Variants in FARP2 observed in about 807,000 individuals in gnomAD.
FARP2 encodes FERM, ARHGEF and pleckstrin domain-containing protein 2.
In FARP2, 111 loss-of-function variants were observed where a neutral mutation model predicts 130.5. The ratio of observed to expected loss-of-function variants is 0.85; its 90% CI spans 0.73 to 1.00. The LOEUF (loss-of-function observed/expected upper bound fraction) is 1.00, where lower values mean the gene tolerates loss of function less well. Among genes scored for constraint, FARP2 ranks in the 50% least tolerant of loss-of-function variants. The pLI, the probability that FARP2 is intolerant of heterozygous loss-of-function variation, is 0.00. For synonymous variants in FARP2, 504 were observed against 516.9 expected, an observed-to-expected ratio of 0.98 and a Z score of 0.34; for missense variants, 1,385 against 1,346.3, an observed-to-expected ratio of 1.03 and a Z score of -0.45.
rs145368402 is a variant in FARP2 at position 241,472,779 on chromosome 2, G to C, written c.2132-3078G>C. Reference sequence around the variant, plus strand: ...GGGACCCTTTTATGTGGGAGATGCTGTTCTGAAGGGACTCAGTTCTGAGGG... The same window carrying C: ...GGGACCCTTTTATGTGGGAGATGCTCTTCTGAAGGGACTCAGTTCTGAGGG... On this transcript the variant is annotated intron_variant, in intron 18 of 26. Transcript: ENST00000264042. Among the ~76,000 whole-genome samples the C allele has an allele frequency of 7.4e-3, 1,100 of 148,722 alleles. 13 individuals are homozygous for C. The highest frequency in any genetic ancestry group is 0.01 in the Non-Finnish European group (699 of 66,974).
intron 13 of FARP2, among the ~76,000 whole-genome samples, chr2:241,453,503 T>A (rs2063738013): frequency 1.3e-5 from 2 of 151,094 alleles, no homozygotes; most frequent in African/African-American, 2.4e-5. Flanking sequence ...GAGCCTGTAG[T>A]CCCAGCTACT....
intron 2 of FARP2, among the ~76,000 whole-genome samples, chr2:241,402,712 G>A (rs983104019): frequency 3.1e-4 from 47 of 149,484 alleles, no homozygotes; most frequent in African/African-American, 1.1e-3. Context: ...TGTCACCCAA[G>A]GTGGAATGCA....
At chr2:241,396,820 C>G (rs1487913753) in intron 2 of FARP2, among the ~76,000 whole-genome samples, 1 of 152,092 alleles carries the variant, frequency 6.6e-6, no homozygotes, top group Non-Finnish European at 1.5e-5. Context: ...TTGACCCAGC[C>G]ATCCCATTAC....
rs141303726 is a variant in FARP2, at chr2:241,426,213, G to A, written c.772-5466G>A. On this transcript the variant is annotated intron_variant, in intron 8 of 26. Coordinates refer to ENST00000264042, the MANE Select transcript of FARP2 (RefSeq NM_014808.4). ...CAGAGGGCAGGGCCCCGGGAGAGAG[G>A]GTAGACCAGGGACTCATTTCTTTTG... is the stretch of plus-strand genomic sequence containing the variant. Among the ~76,000 whole-genome samples, 240 of 152,186 alleles carry A rather than the reference G, an allele frequency of 1.6e-3. 3 individuals carry two copies. The highest frequency in any genetic ancestry group is 5.6e-3 in the African/African-American group (231 of 41,520).
intron 1 of FARP2, among the ~76,000 whole-genome samples, chr2:241,362,079 T>G (rs1319333270): frequency 2.0e-5 from 3 of 151,904 alleles, no homozygotes; most frequent in African/African-American, 7.2e-5. Flanking sequence ...GTATTTTTAG[T>G]AGAGACAGGG....
At chr2:241,356,539 A>G (rs1040709438) in intron 1 of FARP2, among the ~76,000 whole-genome samples, 151 bp downstream of exon 1, 1 of 152,122 alleles carries the variant, frequency 6.6e-6, no homozygotes. Flanking sequence ...TCTGAAGGCC[A>G]TCGTGAGGCG....
At chr2:241,425,263 C>G (rs2062904076) in intron 8 of FARP2, among the ~76,000 whole-genome samples, 1 of 152,072 alleles carries the variant, frequency 6.6e-6, no homozygotes, top group South Asian at 2.1e-4. Flanking sequence ...ATTCAGGACA[C>G]AGGCACAGGA....
At chr2:241,488,292 G>A (rs528538310) in intron 21 of FARP2, 1 of 152,134 alleles carries the variant, frequency 6.6e-6, no homozygotes, top group Admixed American at 6.5e-5. Flanking sequence ...TTTCCTTGAG[G>A]GTTTCTATCC....
chr2:241,366,127 A>ATATATATACGTATATATATATACG (rs373040817), intron 1 of FARP2, among the ~76,000 whole-genome samples: 2 of 136,482 alleles, frequency 1.5e-5, no homozygotes, highest in African/African-American at 5.6e-5. Flanking sequence ...ATATACGTAT[A>ATATATATACGTATATATATATACG]TATATATATA....
At chr2:241,408,441 G>A (rs149021242) in intron 5 of FARP2, among the ~76,000 whole-genome samples, 99 of 152,010 alleles carry the variant, frequency 6.5e-4, no homozygotes, top group African/African-American at 2.3e-3. Flanking sequence ...TAATTGGGAG[G>A]CTGAGGCAGG....
chr2:241,365,559 T>G (rs1308445583), intron 1 of FARP2, among the ~76,000 whole-genome samples: 1 of 152,210 alleles, frequency 6.6e-6, no homozygotes, highest in Non-Finnish European at 1.5e-5. Context: ...AGATAACATG[T>G]CTTAGTAGTT....
intron 2 of FARP2, 110 bp downstream of exon 2, chr2:241,373,400 T>A: frequency 3.1e-6 from 2 of 636,674 alleles, no homozygotes; most frequent in Non-Finnish European, 4.7e-6. Context: ...TGATCAAGAG[T>A]AGCTTTGGTA....
At chr2:241,423,509 A>T (rs1054286688) in intron 8 of FARP2, among the ~76,000 whole-genome samples, 3 of 152,364 alleles carry the variant, frequency 2.0e-5, no homozygotes, top group South Asian at 4.1e-4. Flanking sequence ...GCAAAAACAC[A>T]CTGAAATACA....
At chr2:241,412,074 G>GA (rs963311256) in intron 6 of FARP2, among the ~76,000 whole-genome samples, 3 of 152,180 alleles carry the variant, frequency 2.0e-5, no homozygotes, top group African/African-American at 7.2e-5. Flanking sequence ...CCACATCTGG[G>GA]ATGGAGCCTC....
intron 2 of FARP2, among the ~76,000 whole-genome samples, chr2:241,401,269 A>G (rs1190708116): frequency 6.6e-6 from 1 of 152,192 alleles, no homozygotes; most frequent in African/African-American, 2.4e-5. Flanking sequence ...CAGTTTGCAC[A>G]TATTGTTTAT....
intron 1 of FARP2, among the ~76,000 whole-genome samples, chr2:241,360,006 G>A (rs2061150301): frequency 6.6e-6 from 1 of 152,082 alleles, no homozygotes; most frequent in African/African-American, 2.4e-5. Flanking sequence ...TCTTGATGAA[G>A]CCTCCTCCCT....
chr2:241,437,670 A>ATTTATT (rs1553723709), intron 12 of FARP2, among the ~76,000 whole-genome samples: 1 of 133,112 alleles, frequency 7.5e-6, no homozygotes, highest in African/African-American at 2.7e-5. Context: ...TTATTTATTT[A>ATTTATT]TTTTTTTTTT....
At chr2:241,439,075 G>T (rs969015845) in intron 12 of FARP2, among the ~76,000 whole-genome samples, 1 of 151,590 alleles carries the variant, frequency 6.6e-6, no homozygotes, top group Non-Finnish European at 1.5e-5. Context: ...CATCTCGGCT[G>T]CATGATCACA....
At chr2:241,375,464 A>T (rs928524893) in intron 2 of FARP2, among the ~76,000 whole-genome samples, 1 of 152,190 alleles carries the variant, frequency 6.6e-6, no homozygotes, top group Non-Finnish European at 1.5e-5. Context: ...ACCCAGAAGA[A>T]AAAAGCACAC....
Sources: gnomAD v4.1 joint callset for allele counts (sites outside exome capture counted in the v4.1 genomes callset) on GRCh38, gnomAD v4.1.1 for gene constraint, MANE v1.5 for transcripts, NCBI Gene and HGNC (gene_info 2026-07-23, HGNC 2026-07-21) for gene names.